The following SLC23A2 variants were observed in gnomAD, a reference collection of about 807,000 sequenced individuals.
SLC23A2 encodes Na(+)/L-ascorbic acid transporter 2.
Under a neutral mutation model 73.3 loss-of-function variants are expected in SLC23A2, and 36 were observed. That is an observed-to-expected ratio of 0.49 (90% CI 0.38 to 0.65). SLC23A2 has a LOEUF of 0.65. Ranked by LOEUF, SLC23A2 falls within the 30% of genes least tolerant of loss-of-function variation. The pLI is 0.00. For missense variants in SLC23A2, 507 were observed against 841.6 expected (o/e 0.60, Z 4.92); for synonymous variants, 343 against 327.3 (o/e 1.05, Z -0.52).
chr20:4,852,565 C>T lies in SLC23A2; in HGVS notation c.*4407G>A, dbSNP rs949322253. The T allele has an allele frequency of 6.6e-6, 1 of 152,438 alleles. No individual in the cohort carries two copies. Among genetic ancestry groups the T allele is most frequent in the African/African-American group, 2.4e-5 (1 of 41,354 alleles). 9.4% of individuals were successfully genotyped at this position (152,438 alleles called of 1,614,324 possible). Reference sequence around the variant, plus strand: ...AATTACACATCTCAAAAAACAACCCCACCCCAAATACCCTCGGTAATCAAA... The same window carrying T: ...AATTACACATCTCAAAAAACAACCCTACCCCAAATACCCTCGGTAATCAAA... On this transcript the variant is annotated 3_prime_UTR_variant, in exon 17 of 17. Coordinates refer to ENST00000338244, the MANE Select transcript of SLC23A2 (RefSeq NM_005116.6). This position sits in a 1 kb window ranked among gnomAD's most constrained non-coding sequence, Gnocchi z 4.3.
chr20:4,965,318 G>T lies in SLC23A2; in HGVS notation c.-155+5475C>A, dbSNP rs376556002. Among the ~76,000 whole-genome samples, 7 of 152,088 alleles carry T rather than the reference G, an allele frequency of 4.6e-5. No individual in the cohort carries two copies. The East Asian group carries it at 1.2e-3, about 25-fold the overall frequency. On this transcript the variant is annotated intron_variant, in intron 2 of 16. Transcript: ENST00000338244. The stretch of plus-strand genomic sequence containing the variant: ...CTCGGTAAACCTACTGTGTTCAGGG[G>T]TTCCTGATTTTCCTTAAATCCTTTT...
In SLC23A2 at chr20:4,932,380, A is replaced by G. The variant is rs1021053157; in HGVS notation, c.108+75T>C. The G allele has an allele frequency of 4.6e-6, 4 of 877,664 alleles. No individual in the cohort carries two copies. The African/African-American group carries it at 4.9e-5, about 11-fold the overall frequency. 54.4% of individuals were successfully genotyped at this position (877,664 alleles called of 1,614,324 possible). A position where few individuals can be genotyped will look rare whatever the true frequency, so the allele number is the denominator to read the frequency against. On this transcript the variant is annotated intron_variant, in intron 3 of 16. Transcript: ENST00000338244. ...CCTTCACTGAAAACATGAGCATTAA[A>G]GCCAATCCTATGTTGATTCCATACG...
intron 2 of SLC23A2, among the ~76,000 whole-genome samples, chr20:4,932,926 G>T (rs1932805286): frequency 1.3e-5 from 2 of 152,062 alleles, no homozygotes; most frequent in African/African-American, 4.8e-5. Context: ...TAGAGAGGGG[G>T]ACCACTAAAC....
chr20:4,912,518 A>G (rs905311071), intron 4 of SLC23A2, among the ~76,000 whole-genome samples: 3 of 152,122 alleles, frequency 2.0e-5, no homozygotes, highest in African/African-American at 7.2e-5. Flanking sequence ...GAGAACTTCT[A>G]TAATTTCCTC....
intron 2 of SLC23A2, among the ~76,000 whole-genome samples, chr20:4,963,819 G>A (rs1315523051): frequency 6.6e-6 from 1 of 152,158 alleles, no homozygotes; most frequent in Non-Finnish European, 1.5e-5. Flanking sequence ...CTGCACTCCA[G>A]CCTGGGTGAC....
intron 4 of SLC23A2, among the ~76,000 whole-genome samples, chr20:4,910,931 A>T (rs1048741914): frequency 6.6e-6 from 1 of 152,244 alleles, no homozygotes; most frequent in Non-Finnish European, 1.5e-5. Flanking sequence ...TGTGCTAGAG[A>T]CATTTTTCCT....
intron 2 of SLC23A2, among the ~76,000 whole-genome samples, chr20:4,962,145 T>TAAA (rs113200817): frequency 3.2e-5 from 4 of 125,424 alleles, no homozygotes; most frequent in South Asian, 2.6e-4. Context: ...TGATATTATT[T>TAAA]TAAAAAAAAA....
chr20:4,891,519 T>C (rs1426529672), intron 6 of SLC23A2, among the ~76,000 whole-genome samples: 29 of 152,182 alleles, frequency 1.9e-4, no homozygotes, highest in Admixed American at 1.8e-3. Context: ...GCCTCTGCCA[T>C]AGATTCCAGG....
At chr20:4,885,943 C>T (rs1379672522) in intron 6 of SLC23A2, 34 bp from the exon 7 acceptor site, 3 of 1,423,054 alleles carry the variant, frequency 2.1e-6, no homozygotes, top group Non-Finnish European at 3.0e-6. Context: ...ATGATCACGG[C>T]ATCGGGAACT....
At chr20:4,941,510 C>T (rs190389877) in intron 2 of SLC23A2, among the ~76,000 whole-genome samples, 108 of 152,184 alleles carry the variant, frequency 7.1e-4, no homozygotes, top group Non-Finnish European at 4.4e-4. Context: ...CGAAACCAGC[C>T]TGGCCAACAT....
At position 4,932,824 on chromosome 20, in the gene SLC23A2, C is replaced by G. The variant is rs527279092; in HGVS notation, c.-154-108G>C. 24 of 326,884 alleles carry G rather than the reference C, an allele frequency of 7.3e-5. 2 individuals carry two copies. The highest frequency in any genetic ancestry group is 4.7e-4 in the African/African-American group (22 of 46,724). 20.2% of individuals were successfully genotyped at this position (326,884 alleles called of 1,614,324 possible). ...AAAAAGTCACACTACACATTATACC[C>G]AAGCATCCAAAAAATACTTTACCTA... On this transcript the variant is annotated intron_variant, in intron 2 of 16. Coordinates refer to ENST00000338244, the MANE Select transcript of SLC23A2 (RefSeq NM_005116.6).
intron 1 of SLC23A2, among the ~76,000 whole-genome samples, chr20:4,986,497 A>G (rs991532717): frequency 1.3e-5 from 2 of 152,090 alleles, no homozygotes; most frequent in Non-Finnish European, 2.9e-5. Context: ...TATTTTTAGT[A>G]GAGATAGGGT....
At chr20:4,926,049 A>G (rs1315148706) in intron 3 of SLC23A2, among the ~76,000 whole-genome samples, 1 of 152,184 alleles carries the variant, frequency 6.6e-6, no homozygotes, top group African/African-American at 2.4e-5. Context: ...CAATGGAGGA[A>G]CGTGAGGCTG....
Position 4,942,374 on chromosome 20 carries a change from CA to C in SLC23A2, c.-154-9659del, listed in dbSNP as rs1216270773. 6.8e-3 allele frequency among the ~76,000 whole-genome samples: 321 copies of C among 47,398 alleles called. No individual in the cohort carries two copies. In the East Asian group the frequency reaches 0.076, roughly 11 times the overall value. 31.1% of individuals were successfully genotyped at this position (47,398 alleles called of 152,430 possible). ...AGGAAGCAGGAAATCGCTACAGTCT[CA>C]AAAAAAAAAAAAAAAAAAAAGTCGC... On this transcript the variant is annotated intron_variant, in intron 2 of 16. Coordinates refer to ENST00000338244, the MANE Select transcript of SLC23A2 (RefSeq NM_005116.6).
At chr20:4,968,773 C>T (rs112856415) in intron 2 of SLC23A2, among the ~76,000 whole-genome samples, 1,873 of 151,720 alleles carry the variant, frequency 0.012, 12 homozygotes, top group Middle Eastern at 0.017. Flanking sequence ...GGCTGGAGCA[C>T]GATGGCATGA....
intron 1 of SLC23A2, among the ~76,000 whole-genome samples, chr20:4,995,121 G>A (rs1461334685): frequency 2.0e-5 from 3 of 152,094 alleles, no homozygotes; most frequent in African/African-American, 7.2e-5. Context: ...ATGGAGCTGG[G>A]GGTATGTATA....
In SLC23A2 at chr20:4,854,034, C is replaced by T. The variant is rs1294666581; in HGVS notation, c.*2938G>A. 6.6e-6 allele frequency: 1 copy of T among 152,200 alleles called. No homozygotes were observed. Among genetic ancestry groups the T allele is most frequent in the Non-Finnish European group, 1.5e-5 (1 of 68,042 alleles). The allele number at this position is 152,200 out of a possible 1,614,324, so 9.4% of individuals were successfully genotyped here. ...GTCTACATTTCATGTTGGGATTGCC[C>T]ACACAAATGCTTTCTTTCAGGGACC... On this transcript the variant is annotated 3_prime_UTR_variant, in exon 17 of 17. Coordinates refer to ENST00000338244, the MANE Select transcript of SLC23A2 (RefSeq NM_005116.6).
intron 2 of SLC23A2, among the ~76,000 whole-genome samples, chr20:4,953,853 C>G (rs915977240): frequency 9.9e-5 from 15 of 152,014 alleles, no homozygotes; most frequent in Admixed American, 7.2e-4. Context: ...TATGCCACTG[C>G]ACACCAGCCT....
chr20:4,982,550 T>C (rs889345714), intron 1 of SLC23A2, among the ~76,000 whole-genome samples: 4 of 152,092 alleles, frequency 2.6e-5, no homozygotes, highest in African/African-American at 9.7e-5. Context: ...GGACCCAGAA[T>C]AGTCAAAACA....
Sources: gnomAD v4.1 joint callset for allele counts (sites outside exome capture counted in the v4.1 genomes callset) on GRCh38, gnomAD v4.1.1 for gene constraint, Gnocchi (gnomAD v3.1) non-coding constraint, MANE v1.5 for transcripts, NCBI Gene and HGNC (gene_info 2026-07-23, HGNC 2026-07-21) for gene names.